CLEC11A: variants seen among roughly 807,000 people sequenced by gnomAD.
CLEC11A encodes the protein C-type lectin domain containing 11A, also known as C-type lectin domain family 11 member A.
In CLEC11A, 35 loss-of-function variants were observed where a neutral mutation model predicts 33.9. The observed-to-expected ratio is 1.03, with a 90% CI of 0.79 to 1.37. The LOEUF (loss-of-function observed/expected upper bound fraction) is 1.37, where lower values mean the gene tolerates loss of function less well. Ranked by LOEUF, CLEC11A falls within the 40% of genes most tolerant of loss-of-function variation. CLEC11A has a pLI of 0.00. For missense variants in CLEC11A, 519 were observed against 455.5 expected, an observed-to-expected ratio of 1.14 and a Z score of -1.27; for synonymous variants, 220 against 202.2, an observed-to-expected ratio of 1.09 and a Z score of -0.75.
Position 50,723,967 on chromosome 19 carries a change from T to TCC in CLEC11A, c.210_211insCC (p.Glu71ProfsTer70). The TCC allele has an allele frequency of 6.2e-7, 1 of 1,613,378 alleles. No individual in the cohort carries two copies. Among genetic ancestry groups the TCC allele is most frequent in the Non-Finnish European group, 8.5e-7 (1 of 1,179,774 alleles). ...GGGATGAGAATCCTGCCGGAACTGT[T>TCC]GAGGGAAAAGAGGACTGGGAGATGG... On this transcript the variant is annotated frameshift_variant, in exon 2 of 4. Coordinates refer to ENST00000250340, the MANE Select transcript of CLEC11A (RefSeq NM_002975.3). LOFTEE classifies it high-confidence loss of function. This position sits in a 1 kb window ranked among gnomAD's most constrained non-coding sequence, Gnocchi z 4.1.
Position 50,724,716 on chromosome 19 carries a change from G to C in CLEC11A, c.526+115G>C. On this transcript the variant is annotated intron_variant, in intron 3 of 3. Transcript: ENST00000250340. This position sits in a 1 kb window ranked among gnomAD's most constrained non-coding sequence, Gnocchi z 4.1. ...CGGGAGAGTTCGGGAGAGCTGCTGT[G>C]TGCTAGCGGACGGGGTTAGAGAGCT... is the stretch of plus-strand genomic sequence containing the variant. 2 of 1,227,644 alleles carry C rather than the reference G, an allele frequency of 1.6e-6. No homozygotes were observed. Among genetic ancestry groups the C allele is most frequent in the Non-Finnish European group, 2.1e-6 (2 of 936,594 alleles). The allele number at this position is 1,227,644 out of a possible 1,614,324, so 76.0% of individuals were successfully genotyped here.
chr19:50,723,405 C>T lies in CLEC11A; in HGVS notation c.-121C>T, dbSNP rs967059408. ...ACAGGAAGAGAGAAGCTGGGAGAAT[C>T]GGGAACCTGGGGGCTAGTGACCTGC... On this transcript the variant is annotated 5_prime_UTR_variant, in exon 1 of 4. Coordinates refer to ENST00000250340, the MANE Select transcript of CLEC11A (RefSeq NM_002975.3). This position sits in a 1 kb window ranked among gnomAD's most constrained non-coding sequence, Gnocchi z 4.1. 27 of 977,340 alleles carry T rather than the reference C, an allele frequency of 2.8e-5. No homozygotes were observed. The highest frequency in any genetic ancestry group is 1.3e-4 in the African/African-American group (8 of 61,212). The allele number at this position is 977,340 out of a possible 1,614,324, so 60.5% of individuals were successfully genotyped here.
At position 50,725,176 on chromosome 19, in the gene CLEC11A, G is replaced by C. The variant is rs762153368; in HGVS notation, c.681G>C (p.Leu227=). 2 of 1,578,524 alleles carry C rather than the reference G, an allele frequency of 1.3e-6. No individual in the cohort carries two copies. Among genetic ancestry groups the C allele is most frequent in the Admixed American group, 1.8e-5 (1 of 54,756 alleles). ...RQQMEALTRY[L]RAALAPYNWP... The stretch of plus-strand genomic sequence containing the variant: ...AGATGGAGGCGCTCACTCGGTACCT[G>C]CGCGCGGCGCTCGCTCCCTACAACT... The change falls in exon 4 of 4, where the codon CTG becomes CTC. Residue 227 remains leucine (L), a synonymous_variant. Transcript: ENST00000250340.
Position 50,724,630 on chromosome 19 carries a change from A to G in CLEC11A, c.526+29A>G. On this transcript the variant is annotated intron_variant, in intron 3 of 3. Coordinates refer to ENST00000250340, the MANE Select transcript of CLEC11A (RefSeq NM_002975.3). This position sits in a 1 kb window ranked among gnomAD's most constrained non-coding sequence, Gnocchi z 4.1. ...AGTCCGCGGCGCGCGGGGTGGAAAA[A>G]AATGAGACTATCTGGGCCAGGAATG... 7.2e-7 allele frequency: 1 copy of G among 1,385,898 alleles called. No homozygotes were observed. The highest frequency in any genetic ancestry group is 9.3e-7 in the Non-Finnish European group (1 of 1,073,772). 85.9% of individuals were successfully genotyped at this position (1,385,898 alleles called of 1,614,324 possible).
At position 50,724,016 on chromosome 19, in the gene CLEC11A, G is replaced by A. The variant is rs1186003565; in HGVS notation, c.259G>A (p.Glu87Lys). The A allele has an allele frequency of 5.0e-6, 8 of 1,612,484 alleles. No individual in the cohort carries two copies. Among genetic ancestry groups the A allele is most frequent in the African/African-American group, 1.3e-5 (1 of 74,830 alleles). The change falls in exon 2 of 4, where the codon GAG becomes AAG. Residue 87 changes from glutamate (E) to lysine (K), a missense_variant. Coordinates refer to ENST00000250340, the MANE Select transcript of CLEC11A (RefSeq NM_002975.3). This position sits in a 1 kb window ranked among gnomAD's most constrained non-coding sequence, Gnocchi z 4.1. ...GGAGGAGGACCAGGGGGAGGAAGAG[G>A]AGGAGGAAGCAACGCCAACCCCATC... ...EMEEDQGEEE[E>K]EEATPTPSSG...
At position 50,724,379 on chromosome 19, in the gene CLEC11A, C is replaced by G; in HGVS notation, c.335-31C>G. The G allele has an allele frequency of 6.8e-7, 1 of 1,476,138 alleles. No homozygotes were observed. Among genetic ancestry groups the G allele is most frequent in the South Asian group, 1.4e-5 (1 of 71,280 alleles). The allele number at this position is 1,476,138 out of a possible 1,614,324, so 91.4% of individuals were successfully genotyped here. A position where few individuals can be genotyped will look rare whatever the true frequency, so the allele number is the denominator to read the frequency against. ...GGCCCCCCGCTGCATCTCCAGGCTC[C>G]CCCTCCAGCATGATCCCTGTCTGTC... On this transcript the variant is annotated intron_variant, in intron 2 of 3. Transcript: ENST00000250340. The surrounding 1 kb of genome is among the most constrained non-coding windows in gnomAD (Gnocchi z 4.1).
At position 50,724,957 on chromosome 19, in the gene CLEC11A, C is replaced by A; in HGVS notation, c.527-65C>A. ...CTCCCTCCACCCCCGGATGTTTTGT[C>A]CTCGCCCCCTTCCAGACTCTGAATG... On this transcript the variant is annotated intron_variant, in intron 3 of 3. Transcript: ENST00000250340. The surrounding 1 kb of genome is among the most constrained non-coding windows in gnomAD (Gnocchi z 4.1). The A allele has an allele frequency of 1.6e-6, 2 of 1,218,868 alleles. No individual in the cohort carries two copies. The highest frequency in any genetic ancestry group is 3.3e-5 in the South Asian group (2 of 60,430). 75.5% of individuals were successfully genotyped at this position (1,218,868 alleles called of 1,614,324 possible).
In CLEC11A at chr19:50,724,694, G is replaced by A. The variant is rs965643036; in HGVS notation, c.526+93G>A. ...AGGTGACCCTAGGTGTCCGGGGCGGGAGAGTTCGGGAGAGCTGCTGTGTGC... is the reference window on the plus strand; with the variant it reads ...AGGTGACCCTAGGTGTCCGGGGCGGAAGAGTTCGGGAGAGCTGCTGTGTGC... On this transcript the variant is annotated intron_variant, in intron 3 of 3. Coordinates refer to ENST00000250340, the MANE Select transcript of CLEC11A (RefSeq NM_002975.3). This position sits in a 1 kb window ranked among gnomAD's most constrained non-coding sequence, Gnocchi z 4.1. 5 of 1,259,918 alleles carry A rather than the reference G, an allele frequency of 4.0e-6. No individual in the cohort carries two copies. In the African/African-American group the frequency reaches 6.4e-5, roughly 16 times the overall value. The allele number at this position is 1,259,918 out of a possible 1,614,324, so 78.0% of individuals were successfully genotyped here.
chr19:50,725,578 C>T lies in CLEC11A; in HGVS notation c.*111C>T, dbSNP rs2089181432. On this transcript the variant is annotated 3_prime_UTR_variant, in exon 4 of 4. Coordinates refer to ENST00000250340, the MANE Select transcript of CLEC11A (RefSeq NM_002975.3). The stretch of plus-strand genomic sequence containing the variant: ...CTTCCTGGCCACGAATGGCAGCGTC[C>T]TCCCCGACCCCCAGTCTGGGCGCTT... 2 of 1,444,646 alleles carry T rather than the reference C, an allele frequency of 1.4e-6. No individual in the cohort carries two copies. Among genetic ancestry groups the T allele is most frequent in the Admixed American group, 2.8e-5 (1 of 35,348 alleles). The allele number at this position is 1,444,646 out of a possible 1,614,324, so 89.5% of individuals were successfully genotyped here.
rs767498750 is a variant in CLEC11A, at chr19:50,725,367, G to A, written c.872G>A (p.Gly291Asp). The A allele has an allele frequency of 4.3e-6, 7 of 1,612,026 alleles. No individual in the cohort carries two copies. Among genetic ancestry groups the A allele is most frequent in the Non-Finnish European group, 4.2e-6 (5 of 1,179,524 alleles). ...CTCAGCCCGGACCAGCCCAACGGTG[G>A]CACGCTCGAGAACTGCGTGGCGCAG... ...HPLSPDQPNG[G>D]TLENCVAQAS... The change falls in exon 4 of 4, where the codon GGC (glycine) becomes GAC (aspartate). Residue 291 changes from glycine (G) to aspartate (D), a missense_variant. Physicochemically the swap from Gly to Asp is moderately conservative, Grantham distance 94. Transcript: ENST00000250340.
Position 50,723,754 on chromosome 19 carries a change from A to G in CLEC11A, c.147+82A>G. The G allele has an allele frequency of 6.5e-7, 1 of 1,530,414 alleles. No homozygotes were observed. Among genetic ancestry groups the G allele is most frequent in the South Asian group, 1.3e-5 (1 of 77,338 alleles). 94.8% of individuals were successfully genotyped at this position (1,530,414 alleles called of 1,614,324 possible). The stretch of plus-strand genomic sequence containing the variant: ...TATTGCAAGGTTAGGGAAATGGACA[A>G]TGAGGAGCGATTGGGATAGTCTCAG... On this transcript the variant is annotated intron_variant, in intron 1 of 3. Coordinates refer to ENST00000250340, the MANE Select transcript of CLEC11A (RefSeq NM_002975.3). The surrounding 1 kb of genome is among the most constrained non-coding windows in gnomAD (Gnocchi z 4.1).
Position 50,725,027 on chromosome 19 carries a change from C to A in CLEC11A, c.532C>A (p.Leu178Met). Residue 178 changes from leucine to methionine, a missense_variant, in exon 4 of 4, where the codon CTG (leucine) becomes ATG (methionine). Coordinates refer to ENST00000250340, the MANE Select transcript of CLEC11A (RefSeq NM_002975.3). ...EREHGRLEGC[L>M]KGLRLGHKCF... is the part of the protein sequence containing the mutation. ...CTACCCGGCCCCGCCCACAGGCTGC[C>A]TGAAGGGGCTGCGCCTGGGCCACAA... 1 of 1,485,482 alleles carries A rather than the reference C, an allele frequency of 6.7e-7. No homozygotes were observed. Among genetic ancestry groups the A allele is most frequent in the Middle Eastern group, 1.8e-4 (1 of 5,700 alleles). The allele number at this position is 1,485,482 out of a possible 1,614,324, so 92.0% of individuals were successfully genotyped here.
chr19:50,724,163 G>A lies in CLEC11A; in HGVS notation c.334+72G>A. The A allele has an allele frequency of 6.2e-7, 1 of 1,602,000 alleles. No homozygotes were observed. Among genetic ancestry groups the A allele is most frequent in the Admixed American group, 1.8e-5 (1 of 55,534 alleles). ...TCACTTTCGCAAAAATGAAGGGTCG[G>A]TTCACTGCCAAGTGGCCTTTCAGTT... is the stretch of plus-strand genomic sequence containing the variant. On this transcript the variant is annotated intron_variant, in intron 2 of 3. Transcript: ENST00000250340. The surrounding 1 kb of genome is among the most constrained non-coding windows in gnomAD (Gnocchi z 4.1).
chr19:50,723,563 C>T lies in CLEC11A; in HGVS notation c.38C>T (p.Pro13Leu). ...TGGCTTTTGGGGGCTTTGGTGGTCCCCCAGCTCTTGGGCTTTGGCCATGGG... is the reference window on the plus strand; with the variant it reads ...TGGCTTTTGGGGGCTTTGGTGGTCCTCCAGCTCTTGGGCTTTGGCCATGGG... ...AAWLLGALVV[P>L]QLLGFGHGAR... The change falls in exon 1 of 4, where the codon CCC becomes CTC. Residue 13 changes from proline (P) to leucine (L), a missense_variant. Coordinates refer to ENST00000250340, the MANE Select transcript of CLEC11A (RefSeq NM_002975.3). This position sits in a 1 kb window ranked among gnomAD's most constrained non-coding sequence, Gnocchi z 4.1. The T allele has an allele frequency of 6.2e-7, 1 of 1,612,384 alleles. No homozygotes were observed. The highest frequency in any genetic ancestry group is 8.5e-7 in the Non-Finnish European group (1 of 1,179,964).
In CLEC11A at chr19:50,724,826, T is replaced by C; in HGVS notation, c.527-196T>C. 1 of 1,360,542 alleles carries C rather than the reference T, an allele frequency of 7.4e-7. No homozygotes were observed. The highest frequency in any genetic ancestry group is 9.5e-7 in the Non-Finnish European group (1 of 1,049,546). The allele number at this position is 1,360,542 out of a possible 1,614,324, so 84.3% of individuals were successfully genotyped here. A position where few individuals can be genotyped will look rare whatever the true frequency, so the allele number is the denominator to read the frequency against. On this transcript the variant is annotated intron_variant, in intron 3 of 3. Coordinates refer to ENST00000250340, the MANE Select transcript of CLEC11A (RefSeq NM_002975.3). The surrounding 1 kb of genome is among the most constrained non-coding windows in gnomAD (Gnocchi z 4.1). ...AGCACCACGCCCCCTACAGTCCAGC[T>C]CCCACCGCCTGGCCCCGCCCCTGGC...
chr19:50,725,424 A>T lies in CLEC11A; in HGVS notation c.929A>T (p.Asp310Val). The stretch of plus-strand genomic sequence containing the variant: ...GACGACGGCTCCTGGTGGGACCACG[A>T]CTGCCAGCGGCGTCTCTACTACGTC... ...ASDDGSWWDHDCQRRLYYVCE... is the reference protein window; with the variant it reads ...ASDDGSWWDHVCQRRLYYVCE... The change falls in exon 4 of 4, where the codon GAC becomes GTC. Residue 310 changes from aspartate to valine, a missense_variant. Transcript: ENST00000250340. The T allele has an allele frequency of 6.2e-7, 1 of 1,610,578 alleles. No homozygotes were observed. The highest frequency in any genetic ancestry group is 1.1e-5 in the South Asian group (1 of 90,722).
chr19:50,724,298 C>A lies in CLEC11A; in HGVS notation c.335-112C>A. On this transcript the variant is annotated intron_variant, in intron 2 of 3. Coordinates refer to ENST00000250340, the MANE Select transcript of CLEC11A (RefSeq NM_002975.3). This position sits in a 1 kb window ranked among gnomAD's most constrained non-coding sequence, Gnocchi z 4.1. Reference sequence around the variant, plus strand: ...CTACCTTCCAGGAGTCCGGGGTGCCCCCCCCACCGCCACCCCGCCCTCAGG... The same window carrying A: ...CTACCTTCCAGGAGTCCGGGGTGCCACCCCCACCGCCACCCCGCCCTCAGG... 8.7e-7 allele frequency: 1 copy of A among 1,145,582 alleles called. No individual in the cohort carries two copies. The highest frequency in any genetic ancestry group is 1.2e-6 in the Non-Finnish European group (1 of 837,422). 71.0% of individuals were successfully genotyped at this position (1,145,582 alleles called of 1,614,324 possible).
chr19:50,723,990 TGGA>T lies in CLEC11A; in HGVS notation c.240_242del (p.Glu80del). 1 of 1,612,470 alleles carries T rather than the reference TGGA, an allele frequency of 6.2e-7. No individual in the cohort carries two copies. The highest frequency in any genetic ancestry group is 8.5e-7 in the Non-Finnish European group (1 of 1,179,300). On this transcript the variant is annotated inframe_deletion, in exon 2 of 4. Coordinates refer to ENST00000250340, the MANE Select transcript of CLEC11A (RefSeq NM_002975.3). The surrounding 1 kb of genome is among the most constrained non-coding windows in gnomAD (Gnocchi z 4.1). ...GTTGAGGGAAAAGAGGACTGGGAGATGGAGGAGGACCAGGGGGAGGAAGAGGAG... is the reference window on the plus strand; with the variant it reads ...GTTGAGGGAAAAGAGGACTGGGAGATGGAGGACCAGGGGGAGGAAGAGGAG...
At position 50,725,321 on chromosome 19, in the gene CLEC11A, C is replaced by T. The variant is rs1331962061; in HGVS notation, c.826C>T (p.Pro276Ser). The T allele has an allele frequency of 6.2e-7, 1 of 1,611,956 alleles. No individual in the cohort carries two copies. The highest frequency in any genetic ancestry group is 2.2e-5 in the East Asian group (1 of 44,858). Residue 276 changes from proline (P) to serine (S), a missense_variant, in exon 4 of 4, where the codon CCC (proline) becomes TCC (serine). Transcript: ENST00000250340. Reference sequence around the variant, plus strand: ...ACCCCGCCCCGAGCTCGGCGCCCAGCCCAGCGCCTCGCCGCATCCGCTCAG... The same window carrying T: ...ACCCCGCCCCGAGCTCGGCGCCCAGTCCAGCGCCTCGCCGCATCCGCTCAG... ...RSPRPELGAQ[P>S]SASPHPLSPD... is the part of the protein sequence containing the mutation.
Sources: gnomAD v4.1 joint callset for allele counts on GRCh38, gnomAD v4.1.1 for gene constraint, Gnocchi (gnomAD v3.1) non-coding constraint, MANE v1.5 for transcripts, NCBI Gene and HGNC (gene_info 2026-07-23, HGNC 2026-07-21) for gene names.